The following ZNF423 variants were observed in gnomAD, a reference collection of about 807,000 sequenced individuals.
ZNF423 encodes Ebf-associated zinc finger protein.
Under a neutral mutation model 95.8 loss-of-function variants are expected in ZNF423, and 12 were observed. That is an observed-to-expected ratio of 0.13 (90% CI 0.08 to 0.20). The LOEUF (loss-of-function observed/expected upper bound fraction) is 0.20. Among genes scored for constraint, ZNF423 ranks in the 10% least tolerant of loss-of-function variants. The probability of loss-of-function intolerance (pLI) is 1.00; values close to 1 mark genes in which losing one functional copy is unlikely to be tolerated. For synonymous variants in ZNF423, 749 were observed against 711.9 expected, an observed-to-expected ratio of 1.05 and a Z score of -0.83; for missense variants, 1,316 against 1,737.1, an observed-to-expected ratio of 0.76 and a Z score of 4.31.
At chr16:49,851,027 G>T (rs1036774289) in intron 1 of ZNF423, among the ~76,000 whole-genome samples, 1 of 152,214 alleles carries the variant, frequency 6.6e-6, no homozygotes, top group Non-Finnish European at 1.5e-5. Flanking sequence ...AAGGCTCTGT[G>T]ACTTGCCCCT....
chr16:49,782,301 G>C (rs1462005349), intron 2 of ZNF423, among the ~76,000 whole-genome samples: 1 of 152,148 alleles, frequency 6.6e-6, no homozygotes, highest in African/African-American at 2.4e-5. Flanking sequence ...CCCTCACTCT[G>C]CCACTTCTTG....
intron 2 of ZNF423, among the ~76,000 whole-genome samples, chr16:49,779,052 C>T (rs7194132): frequency 0.037 from 5,559 of 152,080 alleles, 346 homozygotes; most frequent in African/African-American, 0.13. Context: ...ACAAAGTGAA[C>T]AAAACTCAGG....
At chr16:49,540,572 C>T (rs1032241189) in intron 5 of ZNF423, among the ~76,000 whole-genome samples, 9 of 152,164 alleles carry the variant, frequency 5.9e-5, no homozygotes, top group South Asian at 2.1e-4. Flanking sequence ...TGAGCCAATG[C>T]GCCTGGCCCA....
chr16:49,851,469 G>C (rs1330333740), intron 1 of ZNF423, among the ~76,000 whole-genome samples: 1 of 152,190 alleles, frequency 6.6e-6, no homozygotes, highest in Non-Finnish European at 1.5e-5. Flanking sequence ...TACCGATATA[G>C]CAATTATTGC....
Position 49,624,012 on chromosome 16 carries a change from T to TG in ZNF423, c.3601+2157dup, listed in dbSNP as rs145203568. Among the ~76,000 whole-genome samples, 477 of 152,284 alleles carry TG rather than the reference T, an allele frequency of 3.1e-3. 4 individuals carry two copies. The highest frequency in any genetic ancestry group is 0.011 in the African/African-American group (452 of 41,540). On this transcript the variant is annotated intron_variant, in intron 5 of 7. Transcript: ENST00000563137. The stretch of plus-strand genomic sequence containing the variant: ...AACTCCAACTCTCATACACCACTGG[T>TG]GGGGGCGTTAAGTCCATACAACCAC...
At chr16:49,690,006 A>T (rs1255137128) in intron 3 of ZNF423, among the ~76,000 whole-genome samples, 5 of 152,132 alleles carry the variant, frequency 3.3e-5, no homozygotes, top group African/African-American at 1.2e-4. Context: ...TCCCCAGGAA[A>T]GGCTTCCTCT....
chr16:49,571,720 G>A (rs1970362541), intron 5 of ZNF423, among the ~76,000 whole-genome samples: 1 of 152,126 alleles, frequency 6.6e-6, no homozygotes, highest in Non-Finnish European at 1.5e-5. Flanking sequence ...CAGAAGAGCA[G>A]AGAGGATGCA....
At chr16:49,606,643 A>T (rs957888607) in intron 5 of ZNF423, among the ~76,000 whole-genome samples, 1 of 152,204 alleles carries the variant, frequency 6.6e-6, no homozygotes, top group South Asian at 2.1e-4. Flanking sequence ...TAGGAAGCAC[A>T]TGAATGTTTT....
At chr16:49,540,693 A>T (rs1303547003) in intron 5 of ZNF423, among the ~76,000 whole-genome samples, 1 of 152,164 alleles carries the variant, frequency 6.6e-6, no homozygotes, top group African/African-American at 2.4e-5. Context: ...CCTTAGTGAC[A>T]ATTTAGAATT....
At chr16:49,753,234 A>T (rs996267733) in intron 2 of ZNF423, among the ~76,000 whole-genome samples, 1 of 152,018 alleles carries the variant, frequency 6.6e-6, no homozygotes, top group African/African-American at 2.4e-5. Flanking sequence ...ACAGAGCAAG[A>T]CTCTGTCTCA....
In ZNF423 at chr16:49,603,750, T is replaced by C. The variant is rs1159349590; in HGVS notation, c.3601+22420A>G. Among the ~76,000 whole-genome samples, 2 of 152,214 alleles carry C rather than the reference T, an allele frequency of 1.3e-5. No homozygotes were observed. The highest frequency in any genetic ancestry group is 2.9e-5 in the Non-Finnish European group (2 of 68,044). ...ATTTTCTGACATACAGCCCACATTT[T>C]CATTTGGCATCAGGTCCCACAAATT... On this transcript the variant is annotated intron_variant, in intron 5 of 7. Coordinates refer to ENST00000563137, the MANE Select transcript of ZNF423 (RefSeq NM_001379286.1). This position sits in a 1 kb window ranked among gnomAD's most constrained non-coding sequence, Gnocchi z 4.1.
intron 5 of ZNF423, among the ~76,000 whole-genome samples, chr16:49,569,949 C>T (rs1266465698): frequency 6.6e-6 from 1 of 152,148 alleles, no homozygotes; most frequent in African/African-American, 2.4e-5. Flanking sequence ...GCAACTTGCC[C>T]AGGGAATTCA....
chr16:49,511,658 G>A (rs1967901540), intron 7 of ZNF423, among the ~76,000 whole-genome samples: 1 of 152,216 alleles, frequency 6.6e-6, no homozygotes, highest in Non-Finnish European at 1.5e-5. Flanking sequence ...AGTGTTGTCA[G>A]TGTCCACCCC....
At chr16:49,793,760 A>C (rs2034452671) in intron 1 of ZNF423, among the ~76,000 whole-genome samples, 1 of 152,070 alleles carries the variant, frequency 6.6e-6, no homozygotes, top group African/African-American at 2.4e-5. Context: ...TGTGACACAG[A>C]GCGGAGGCAT....
At chr16:49,555,702 T>C (rs1969798632) in intron 5 of ZNF423, among the ~76,000 whole-genome samples, 1 of 152,050 alleles carries the variant, frequency 6.6e-6, no homozygotes, top group South Asian at 2.1e-4. Flanking sequence ...GGATGGTAGA[T>C]GGTAGATGGA....
intron 5 of ZNF423, among the ~76,000 whole-genome samples, chr16:49,584,354 G>C (rs1359730596): frequency 6.6e-6 from 1 of 152,174 alleles, no homozygotes; most frequent in Non-Finnish European, 1.5e-5. Flanking sequence ...TACTGCCTAC[G>C]CTTAGGGCAT....
At chr16:49,725,505 G>T (rs192804260) in intron 3 of ZNF423, among the ~76,000 whole-genome samples, 1 of 152,166 alleles carries the variant, frequency 6.6e-6, no homozygotes, top group African/African-American at 2.4e-5. Context: ...CTACTCTAGC[G>T]CTGGGCTAGA....
chr16:49,815,906 ATATATATATTTTTTTTT>A (rs2034843719), intron 1 of ZNF423, among the ~76,000 whole-genome samples: 2 of 42,672 alleles, frequency 4.7e-5, no homozygotes, highest in African/African-American at 1.9e-4. Context: ...ATATATATAT[ATATATATATTTTTTTTT>A]TTTTTTTTTT....
chr16:49,817,077 T>C (rs997322414), intron 1 of ZNF423, among the ~76,000 whole-genome samples: 1 of 152,212 alleles, frequency 6.6e-6, no homozygotes, highest in Non-Finnish European at 1.5e-5. Context: ...ACTTGGTGTC[T>C]TTCCAGCAGA....
Sources: allele counts gnomAD v4.1 joint callset (sites outside exome capture counted in the v4.1 genomes callset), GRCh38; gene constraint gnomAD v4.1.1; non-coding constraint Gnocchi (gnomAD v3.1); transcripts MANE v1.5; gene names NCBI Gene and HGNC (gene_info 2026-07-23, HGNC 2026-07-21).